Variants in TMEM178B observed in about 807,000 individuals in gnomAD.
The protein encoded by TMEM178B is transmembrane protein 178B.
Under a neutral mutation model 31.0 loss-of-function variants are expected in TMEM178B, and 5 were observed. The observed-to-expected ratio is 0.16, with a 90% CI of 0.08 to 0.34. The LOEUF (loss-of-function observed/expected upper bound fraction) is 0.34. TMEM178B is among the 10% of genes least tolerant of loss of function. The pLI, the probability that TMEM178B is intolerant of heterozygous loss-of-function variation, is 1.00. For synonymous variants in TMEM178B, 164 were observed against 164.0 expected (o/e 1.00, Z 0.00); for missense variants, 275 against 400.3 (o/e 0.69, Z 2.67).
intron 1 of TMEM178B, among the ~76,000 whole-genome samples, chr7:141,179,631 A>G (rs1477260590): frequency 6.6e-6 from 1 of 152,220 alleles, no homozygotes; most frequent in Non-Finnish European, 1.5e-5. Flanking sequence ...GACCTTTACA[A>G]GAGAAAGGGC....
chr7:141,290,421 T>C (rs1204391383), intron 2 of TMEM178B, among the ~76,000 whole-genome samples: 1 of 152,122 alleles, frequency 6.6e-6, no homozygotes, highest in East Asian at 1.9e-4. Context: ...TGTGTCCTTA[T>C]AGGAACTCTC....
Position 141,212,679 on chromosome 7 carries a change from C to T in TMEM178B, c.471C>T (p.Ile157=). ...RNLTFNITKT[I]RQDEWHALHL... ...TCACTTTCAATATCACGAAGACCAT[C>T]CGTCAGGATGAGTGGCATGCCCTAC... Residue 157 remains isoleucine (I), a synonymous_variant, in exon 2 of 4, where the codon ATC becomes ATT. Transcript: ENST00000565468. The T allele has an allele frequency of 6.5e-7, 1 of 1,536,126 alleles. No homozygotes were observed. The highest frequency in any genetic ancestry group is 8.7e-7 in the Non-Finnish European group (1 of 1,146,894).
At chr7:141,138,708 C>A (rs184139433) in intron 1 of TMEM178B, among the ~76,000 whole-genome samples, 388 of 151,882 alleles carry the variant, frequency 2.6e-3, no homozygotes, top group African/African-American at 8.9e-3. Context: ...GGTGGCCGGG[C>A]GGGGTGGCTC....
At chr7:141,224,144 A>T (rs1797302138) in intron 2 of TMEM178B, among the ~76,000 whole-genome samples, 1 of 152,086 alleles carries the variant, frequency 6.6e-6, no homozygotes, top group Non-Finnish European at 1.5e-5. Flanking sequence ...CCATGTTAAG[A>T]CGTGCCTTTT....
intron 1 of TMEM178B, among the ~76,000 whole-genome samples, chr7:141,123,301 G>A (rs1460469357): frequency 6.6e-6 from 1 of 152,206 alleles, no homozygotes; most frequent in Non-Finnish European, 1.5e-5. Context: ...TATATCTTCA[G>A]GCCTAGTGCC....
At chr7:141,347,939 A>G (rs1799648518) in intron 2 of TMEM178B, among the ~76,000 whole-genome samples, 3 of 152,216 alleles carry the variant, frequency 2.0e-5, no homozygotes. Context: ...TTTCACCAAT[A>G]GCCTCTGTCA....
intron 2 of TMEM178B, among the ~76,000 whole-genome samples, chr7:141,227,630 G>T (rs779224969): frequency 4.6e-5 from 7 of 152,198 alleles, no homozygotes; most frequent in Non-Finnish European, 1.0e-4. Flanking sequence ...AGGCATGATG[G>T]ATGTGAATGG....
At chr7:141,375,018 A>G (rs1224019664) in intron 2 of TMEM178B, among the ~76,000 whole-genome samples, 1 of 152,186 alleles carries the variant, frequency 6.6e-6, no homozygotes, top group African/African-American at 2.4e-5. Context: ...TCCTGTTTCT[A>G]TGCTGTTTCT....
intron 3 of TMEM178B, among the ~76,000 whole-genome samples, chr7:141,449,770 ATC>A (rs1801830402): frequency 1.3e-5 from 2 of 152,180 alleles, no homozygotes; most frequent in African/African-American, 4.8e-5. Flanking sequence ...GGCCCAGGCA[ATC>A]TCTCTGAATC....
At chr7:141,183,495 G>A (rs1479709286) in intron 1 of TMEM178B, among the ~76,000 whole-genome samples, 1 of 152,126 alleles carries the variant, frequency 6.6e-6, no homozygotes, top group Non-Finnish European at 1.5e-5. Flanking sequence ...ATGTAAATAA[G>A]TATCATTTTC....
intron 2 of TMEM178B, among the ~76,000 whole-genome samples, chr7:141,390,840 C>T (rs1800522247): frequency 6.6e-6 from 1 of 152,206 alleles, no homozygotes; most frequent in Non-Finnish European, 1.5e-5. Flanking sequence ...ACAGTGTACT[C>T]AGCCTTGGCC....
chr7:141,406,246 ATC>A (rs887703767), intron 2 of TMEM178B, among the ~76,000 whole-genome samples: 28 of 152,130 alleles, frequency 1.8e-4, no homozygotes, highest in African/African-American at 5.3e-4. Flanking sequence ...TCTGGCTTCC[ATC>A]TCTCTGCATT....
At chr7:141,287,630 C>A (rs774604365) in intron 2 of TMEM178B, among the ~76,000 whole-genome samples, 1 of 152,148 alleles carries the variant, frequency 6.6e-6, no homozygotes, top group Non-Finnish European at 1.5e-5. Flanking sequence ...GATGTGCCTT[C>A]CCCCTCTCCT....
intron 1 of TMEM178B, among the ~76,000 whole-genome samples, chr7:141,174,425 T>G (rs1448836842): frequency 6.6e-6 from 1 of 152,160 alleles, no homozygotes; most frequent in Non-Finnish European, 1.5e-5. Context: ...TAAACATAAG[T>G]GCGCATGTGT....
downstream of TMEM178B, among the ~76,000 whole-genome samples, chr7:141,480,876 G>T (rs1802463289): frequency 6.6e-6 from 1 of 152,234 alleles, no homozygotes; most frequent in Non-Finnish European, 1.5e-5. Flanking sequence ...TAGGGGAGGA[G>T]GGAAGTGGAC....
intron 2 of TMEM178B, among the ~76,000 whole-genome samples, chr7:141,312,623 G>C (rs1210260959): frequency 6.6e-6 from 1 of 152,146 alleles, no homozygotes; most frequent in Non-Finnish European, 1.5e-5. Flanking sequence ...TATTCAACTC[G>C]CAAAGTCAAT....
Position 141,112,412 on chromosome 7 carries a change from C to A in TMEM178B, c.382+37720C>A, listed in dbSNP as rs114862006. The stretch of plus-strand genomic sequence containing the variant: ...GGACAACAGGTGTTAGCCACCACAG[C>A]CTGGCTAATTTTTGTATTTTTTGCA... On this transcript the variant is annotated intron_variant, in intron 1 of 3. Coordinates refer to ENST00000565468, the MANE Select transcript of TMEM178B (RefSeq NM_001195278.2). Among the ~76,000 whole-genome samples the A allele has an allele frequency of 4.6e-3, 702 of 152,224 alleles. 9 individuals carry two copies. Among genetic ancestry groups the A allele is most frequent in the African/African-American group, 0.016 (666 of 41,524 alleles).
At chr7:141,450,240 G>A (rs1801839337) in intron 3 of TMEM178B, among the ~76,000 whole-genome samples, 1 of 152,218 alleles carries the variant, frequency 6.6e-6, no homozygotes, top group African/African-American at 2.4e-5. Flanking sequence ...AGATCTGGCT[G>A]TGAAGGAGGC....
intron 1 of TMEM178B, among the ~76,000 whole-genome samples, chr7:141,198,257 C>T (rs965640365): frequency 1.3e-5 from 2 of 152,188 alleles, no homozygotes; most frequent in Non-Finnish European, 2.9e-5. Context: ...AATGCCTGGC[C>T]TTGGCCTTCT....
Sources: allele counts gnomAD v4.1 joint callset (sites outside exome capture counted in the v4.1 genomes callset), GRCh38; gene constraint gnomAD v4.1.1; transcripts MANE v1.5; gene names NCBI Gene and HGNC (gene_info 2026-07-23, HGNC 2026-07-21).